The following H3-4 variants were observed in gnomAD, a reference collection of about 807,000 sequenced individuals.
The protein encoded by H3-4 is histone H3.1t.
A neutral mutation model predicts 3.8 loss-of-function variants in H3-4; 6 were observed. The ratio of observed to expected loss-of-function variants is 1.59; its 90% confidence interval spans 0.87 to 3.13. The LOEUF is 3.13. Ranked by LOEUF, H3-4 falls within the 30% of genes most tolerant of loss-of-function variation. H3-4 has a pLI of 0.00. For missense variants in H3-4, 298 were observed against 202.4 expected (o/e 1.47, Z -2.87); for synonymous variants, 138 against 86.5 (o/e 1.60, Z -3.30).
rs749863422 is a variant in H3-4, at chr1:228,424,895, C to T, written c.*20G>A. 40 of 1,614,094 alleles carry T rather than the reference C, an allele frequency of 2.5e-5. No homozygotes were observed. In the Admixed American group the frequency reaches 2.8e-4, roughly 11 times the overall value. ...TTGGGGTGAACGTTGCGCAACCTCT[C>T]AGGTGGCGAGATAGCCCTCCTAGGC... On this transcript the variant is annotated 3_prime_UTR_variant, in exon 1 of 1. Coordinates refer to ENST00000366696, the MANE Select transcript of H3-4 (RefSeq NM_003493.3).
At position 228,425,111 on chromosome 1, in the gene H3-4, A is replaced by G. The variant is rs150702519; in HGVS notation, c.215T>C (p.Met72Thr). 1.7e-5 allele frequency: 27 copies of G among 1,614,072 alleles called. No individual in the cohort carries two copies. In the African/African-American group the frequency reaches 3.3e-4, roughly 20 times the overall value. Residue 72 changes from methionine (M) to threonine (T), a missense_variant, in exon 1 of 1, where the codon ATG becomes ACG. Physicochemically the swap from Met to Thr is moderately conservative, Grantham distance 81 (BLOSUM62 -1). Transcript: ENST00000366696. Reference sequence around the variant, plus strand: ...CTTAAAGTCCTGAGCGATCTCGCGCATCAGCCGCTGGAAGGGCAACTTGCG... The same window carrying G: ...CTTAAAGTCCTGAGCGATCTCGCGCGTCAGCCGCTGGAAGGGCAACTTGCG... ...LIRKLPFQRLMREIAQDFKTD... is the reference protein window; with the variant it reads ...LIRKLPFQRLTREIAQDFKTD...
In H3-4 at chr1:228,425,096, T is replaced by G. The variant is rs1000042512; in HGVS notation, c.230A>C (p.Gln77Pro). Reference sequence around the variant, plus strand: ...GAAGCGCAGGTCGGTCTTAAAGTCCTGAGCGATCTCGCGCATCAGCCGCTG... The same window carrying G: ...GAAGCGCAGGTCGGTCTTAAAGTCCGGAGCGATCTCGCGCATCAGCCGCTG... ...PFQRLMREIA[Q>P]DFKTDLRFQS... Residue 77 changes from glutamine to proline, a missense_variant, in exon 1 of 1, where the codon CAG (glutamine) becomes CCG (proline). By Grantham distance (76) the Gln-to-Pro change is moderately conservative (BLOSUM62 -1). Coordinates refer to ENST00000366696, the MANE Select transcript of H3-4 (RefSeq NM_003493.3). 5.0e-6 allele frequency: 8 copies of G among 1,614,290 alleles called. No homozygotes were observed. The highest frequency in any genetic ancestry group is 6.8e-6 in the Non-Finnish European group (8 of 1,180,050).
Position 228,424,944 on chromosome 1 carries a change from C to T in H3-4, c.382G>A (p.Ala128Thr). 1 of 1,614,192 alleles carries T rather than the reference C, an allele frequency of 6.2e-7. No homozygotes were observed. Among genetic ancestry groups the T allele is most frequent in the East Asian group, 2.2e-5 (1 of 44,864 alleles). The change falls in exon 1 of 1, where the codon GCA becomes ACA. Residue 128 changes from alanine to threonine, a missense_variant. Ala to Thr is a moderately conservative substitution (Grantham distance 58). Coordinates refer to ENST00000366696, the MANE Select transcript of H3-4 (RefSeq NM_003493.3). Reference sequence around the variant, plus strand: ...GCCCGCTCCCCGCGGATACGGCGTGCCAGCTGGATGTCCTTAGGCATGATG... The same window carrying T: ...GCCCGCTCCCCGCGGATACGGCGTGTCAGCTGGATGTCCTTAGGCATGATG... ...VTIMPKDIQLARRIRGERA is the reference protein window; with the variant it reads ...VTIMPKDIQLTRRIRGERA
Position 228,425,291 on chromosome 1 carries a change from G to C in H3-4, c.35C>G (p.Thr12Arg), listed in dbSNP as rs1410959088. ...CTGCTTGCGCGGCGCCTTGCCACCC[G>C]TTGACTTGCGCGCAGTCTGCTTGGT... ...ARTKQTARKS[T>R]GGKAPRKQLA... is the part of the protein sequence containing the mutation. Residue 12 changes from threonine to arginine, a missense_variant, in exon 1 of 1, where the codon ACG becomes AGG. Transcript: ENST00000366696. The C allele has an allele frequency of 3.1e-6, 5 of 1,613,852 alleles. No homozygotes were observed. The highest frequency in any genetic ancestry group is 4.2e-6 in the Non-Finnish European group (5 of 1,179,816).
At position 228,425,156 on chromosome 1, in the gene H3-4, T is replaced by G. The variant is rs910118851; in HGVS notation, c.170A>C (p.Lys57Thr). 5 of 1,614,030 alleles carry G rather than the reference T, an allele frequency of 3.1e-6. No individual in the cohort carries two copies. The South Asian group carries it at 4.4e-5, about 14-fold the overall frequency. The change falls in exon 1 of 1, where the codon AAG becomes ACG. Residue 57 changes from lysine (K) to threonine (T), a missense_variant. Lys to Thr is a moderately conservative substitution (Grantham distance 78, BLOSUM62 -1). Transcript: ENST00000366696. ...VALREIRRYQ[K>T]STELLIRKLP... ...CTTGCGGATTAGCAGCTCAGTGGAC[T>G]TCTGGTAGCGGCGGATCTCGCGAAG...
At position 228,424,891 on chromosome 1, in the gene H3-4, C is replaced by G. The variant is rs753240133; in HGVS notation, c.*24G>C. On this transcript the variant is annotated 3_prime_UTR_variant, in exon 1 of 1. Coordinates refer to ENST00000366696, the MANE Select transcript of H3-4 (RefSeq NM_003493.3). ...GCCTTTGGGGTGAACGTTGCGCAAC[C>G]TCTCAGGTGGCGAGATAGCCCTCCT... is the stretch of plus-strand genomic sequence containing the variant. 2 of 1,614,168 alleles carry G rather than the reference C, an allele frequency of 1.2e-6. No individual in the cohort carries two copies. The highest frequency in any genetic ancestry group is 8.5e-7 in the Non-Finnish European group (1 of 1,180,016).
chr1:228,424,902 C>A lies in H3-4; in HGVS notation c.*13G>T. ...GAACGTTGCGCAACCTCTCAGGTGG[C>A]GAGATAGCCCTCCTAGGCCCGCTCC... is the stretch of plus-strand genomic sequence containing the variant. On this transcript the variant is annotated 3_prime_UTR_variant, in exon 1 of 1. Coordinates refer to ENST00000366696, the MANE Select transcript of H3-4 (RefSeq NM_003493.3). 3 of 1,614,150 alleles carry A rather than the reference C, an allele frequency of 1.9e-6. No individual in the cohort carries two copies. Among genetic ancestry groups the A allele is most frequent in the Non-Finnish European group, 2.5e-6 (3 of 1,179,998 alleles).
At position 228,425,302 on chromosome 1, in the gene H3-4, C is replaced by T. The variant is rs778477120; in HGVS notation, c.24G>A (p.Ala8=). 25 of 1,613,810 alleles carry T rather than the reference C, an allele frequency of 1.5e-5. No individual in the cohort carries two copies. Among genetic ancestry groups the T allele is most frequent in the Middle Eastern group, 1.6e-4 (1 of 6,082 alleles). Residue 8 remains alanine (A), a synonymous_variant, in exon 1 of 1, where the codon GCG becomes GCA. Coordinates refer to ENST00000366696, the MANE Select transcript of H3-4 (RefSeq NM_003493.3). The part of the protein sequence containing the change: MARTKQT[A]RKSTGGKAPR... ...GCGCCTTGCCACCCGTTGACTTGCG[C>T]GCAGTCTGCTTGGTTCGGGCCATGA... is the stretch of plus-strand genomic sequence containing the variant.
rs1466119123 is a variant in H3-4, at chr1:228,425,195, G to A, written c.131C>T (p.Pro44Leu). ...GATCTCGCGAAGCGCCACCGTGCCG[G>A]GCCGGTAGCGGTGCGGCTTCTTCAC... ...GGVKKPHRYR[P>L]GTVALREIRR... is the part of the protein sequence containing the mutation. The change falls in exon 1 of 1, where the codon CCC (proline) becomes CTC (leucine). Residue 44 changes from proline (P) to leucine (L), a missense_variant. By Grantham distance (98) the Pro-to-Leu change is moderately conservative. Transcript: ENST00000366696. 2 of 1,613,996 alleles carry A rather than the reference G, an allele frequency of 1.2e-6. No individual in the cohort carries two copies. The highest frequency in any genetic ancestry group is 1.7e-6 in the Non-Finnish European group (2 of 1,179,890).
chr1:228,425,353 T>G lies in H3-4; in HGVS notation c.-28A>C. On this transcript the variant is annotated 5_prime_UTR_variant, in exon 1 of 1. Coordinates refer to ENST00000366696, the MANE Select transcript of H3-4 (RefSeq NM_003493.3). Reference sequence around the variant, plus strand: ...ATCCGAAACTGTTGGCCCCGCGGTGTCCTCTGCCCAGACCTCAGCGGATTG... The same window carrying G: ...ATCCGAAACTGTTGGCCCCGCGGTGGCCTCTGCCCAGACCTCAGCGGATTG... 1 of 1,613,280 alleles carries G rather than the reference T, an allele frequency of 6.2e-7. No homozygotes were observed. The highest frequency in any genetic ancestry group is 1.3e-5 in the African/African-American group (1 of 75,010).
At position 228,425,287 on chromosome 1, in the gene H3-4, AC is replaced by A. The variant is rs1558465460; in HGVS notation, c.38del (p.Gly13ValfsTer24). ...RTKQTARKST[G>X]GKAPRKQLAT... ...CCAGCTGCTTGCGCGGCGCCTTGCC[AC>A]CCGTTGACTTGCGCGCAGTCTGCTT... On this transcript the variant is annotated frameshift_variant, in exon 1 of 1. Transcript: ENST00000366696. LOFTEE classifies it high-confidence loss of function. 1 of 1,613,512 alleles carries A rather than the reference AC, an allele frequency of 6.2e-7. No individual in the cohort carries two copies. The highest frequency in any genetic ancestry group is 1.3e-5 in the African/African-American group (1 of 74,860).
Position 228,425,135 on chromosome 1 carries a change from C to A in H3-4, c.191G>T (p.Arg64Leu), listed in dbSNP as rs1350535396. 6 of 1,614,030 alleles carry A rather than the reference C, an allele frequency of 3.7e-6. No individual in the cohort carries two copies. In the East Asian group the frequency reaches 6.7e-5, roughly 18 times the overall value. ...CATCAGCCGCTGGAAGGGCAACTTGCGGATTAGCAGCTCAGTGGACTTCTG... is the reference window on the plus strand; with the variant it reads ...CATCAGCCGCTGGAAGGGCAACTTGAGGATTAGCAGCTCAGTGGACTTCTG... ...RYQKSTELLI[R>L]KLPFQRLMRE... The change falls in exon 1 of 1, where the codon CGC becomes CTC. Residue 64 changes from arginine to leucine, a missense_variant. Physicochemically the swap from Arg to Leu is moderately radical, Grantham distance 102 (BLOSUM62 -2). Coordinates refer to ENST00000366696, the MANE Select transcript of H3-4 (RefSeq NM_003493.3).
chr1:228,425,076 G>T lies in H3-4; in HGVS notation c.250C>A (p.Arg84Ser). ...GCCATCACGGCCGAGCTCTGGAAGCGCAGGTCGGTCTTAAAGTCCTGAGCG... is the reference window on the plus strand; with the variant it reads ...GCCATCACGGCCGAGCTCTGGAAGCTCAGGTCGGTCTTAAAGTCCTGAGCG... ...EIAQDFKTDLRFQSSAVMALQ... is the reference protein window; with the variant it reads ...EIAQDFKTDLSFQSSAVMALQ... Residue 84 changes from arginine to serine, a missense_variant, in exon 1 of 1, where the codon CGC (arginine) becomes AGC (serine). Physicochemically the swap from Arg to Ser is moderately radical, Grantham distance 110. Coordinates refer to ENST00000366696, the MANE Select transcript of H3-4 (RefSeq NM_003493.3). 6.2e-7 allele frequency: 1 copy of T among 1,614,268 alleles called. No homozygotes were observed. The highest frequency in any genetic ancestry group is 8.5e-7 in the Non-Finnish European group (1 of 1,180,052).
chr1:228,424,913 T>G lies in H3-4; in HGVS notation c.*2A>C. ...AACCTCTCAGGTGGCGAGATAGCCC[T>G]CCTAGGCCCGCTCCCCGCGGATACG... On this transcript the variant is annotated 3_prime_UTR_variant, in exon 1 of 1. Transcript: ENST00000366696. The G allele has an allele frequency of 6.2e-7, 1 of 1,613,886 alleles. No homozygotes were observed. The highest frequency in any genetic ancestry group is 2.2e-5 in the East Asian group (1 of 44,814).
chr1:228,425,039 G>T lies in H3-4; in HGVS notation c.287C>A (p.Ala96Glu). The T allele has an allele frequency of 6.2e-7, 1 of 1,614,266 alleles. No homozygotes were observed. The highest frequency in any genetic ancestry group is 2.2e-5 in the East Asian group (1 of 44,890). ...QSSAVMALQE[A>E]CESYLVGLFE... Reference sequence around the variant, plus strand: ...CAGCCCCACCAGGTAAGACTCGCACGCCTCCTGCAGCGCCATCACGGCCGA... The same window carrying T: ...CAGCCCCACCAGGTAAGACTCGCACTCCTCCTGCAGCGCCATCACGGCCGA... Residue 96 changes from alanine to glutamate, a missense_variant, in exon 1 of 1, where the codon GCG (alanine) becomes GAG (glutamate). Ala to Glu is a moderately radical substitution (Grantham distance 107). Coordinates refer to ENST00000366696, the MANE Select transcript of H3-4 (RefSeq NM_003493.3).
rs1262352520 is a variant in H3-4 at position 228,425,358 on chromosome 1, T to C, written c.-33A>G. 1.9e-6 allele frequency: 3 copies of C among 1,612,888 alleles called. No individual in the cohort carries two copies. Among genetic ancestry groups the C allele is most frequent in the South Asian group, 1.1e-5 (1 of 91,056 alleles). ...AAACTGTTGGCCCCGCGGTGTCCTCTGCCCAGACCTCAGCGGATTGCTCGC... is the reference window on the plus strand; with the variant it reads ...AAACTGTTGGCCCCGCGGTGTCCTCCGCCCAGACCTCAGCGGATTGCTCGC... On this transcript the variant is annotated 5_prime_UTR_variant, in exon 1 of 1. Coordinates refer to ENST00000366696, the MANE Select transcript of H3-4 (RefSeq NM_003493.3).
In H3-4 at chr1:228,425,141, A is replaced by G. The variant is rs749735656; in HGVS notation, c.185T>C (p.Leu62Pro). 7 of 1,614,024 alleles carry G rather than the reference A, an allele frequency of 4.3e-6. No individual in the cohort carries two copies. Among genetic ancestry groups the G allele is most frequent in the Non-Finnish European group, 5.9e-6 (7 of 1,179,850 alleles). Residue 62 changes from leucine to proline, a missense_variant, in exon 1 of 1, where the codon CTA (leucine) becomes CCA (proline). Physicochemically the swap from Leu to Pro is moderately conservative, Grantham distance 98. Transcript: ENST00000366696. ...CCGCTGGAAGGGCAACTTGCGGATT[A>G]GCAGCTCAGTGGACTTCTGGTAGCG... ...IRRYQKSTEL[L>P]IRKLPFQRLM...
At position 228,425,222 on chromosome 1, in the gene H3-4, C is replaced by T. The variant is rs1201973529; in HGVS notation, c.104G>A (p.Gly35Asp). The change falls in exon 1 of 1, where the codon GGC (glycine) becomes GAC (aspartate). Residue 35 changes from glycine to aspartate, a missense_variant. Gly to Asp is a moderately conservative substitution (Grantham distance 94, BLOSUM62 -1). Transcript: ENST00000366696. ...CCGGTAGCGGTGCGGCTTCTTCACGCCGCCAGTGGCAGGTGCGCTCTTGCG... is the reference window on the plus strand; with the variant it reads ...CCGGTAGCGGTGCGGCTTCTTCACGTCGCCAGTGGCAGGTGCGCTCTTGCG... ...VARKSAPATG[G>D]VKKPHRYRPG... 3 of 1,613,704 alleles carry T rather than the reference C, an allele frequency of 1.9e-6. No individual in the cohort carries two copies. The highest frequency in any genetic ancestry group is 2.2e-5 in the South Asian group (2 of 91,034).
rs369767840 is a variant in H3-4, at chr1:228,425,270, T to C, written c.56A>G (p.Lys19Arg). 3 of 1,613,710 alleles carry C rather than the reference T, an allele frequency of 1.9e-6. No individual in the cohort carries two copies. The African/African-American group carries it at 4.0e-5, about 22-fold the overall frequency. The change falls in exon 1 of 1, where the codon AAG becomes AGG. Residue 19 changes from lysine to arginine, a missense_variant. By Grantham distance (26) the Lys-to-Arg change is conservative (BLOSUM62 2). Coordinates refer to ENST00000366696, the MANE Select transcript of H3-4 (RefSeq NM_003493.3). ...GCGAGCCACCTTGGTGGCCAGCTGC[T>C]TGCGCGGCGCCTTGCCACCCGTTGA... Reference protein sequence around the residue: ...RKSTGGKAPRKQLATKVARKS... With the variant: ...RKSTGGKAPRRQLATKVARKS...
Sources: gnomAD v4.1 joint callset for allele counts on GRCh38, gnomAD v4.1.1 for gene constraint, MANE v1.5 for transcripts, NCBI Gene and HGNC (gene_info 2026-07-23, HGNC 2026-07-21) for gene names.